CNTN5: variants seen among roughly 807,000 people sequenced by gnomAD.
CNTN5 encodes the protein contactin 5.
CNTN5 carries 77 observed loss-of-function variants against 129.1 expected under a neutral mutation model. The observed-to-expected ratio is 0.60, with a 90% CI of 0.50 to 0.72. The LOEUF is 0.72. CNTN5 is among the 30% of genes least tolerant of loss of function. The pLI is 0.00. For missense variants in CNTN5, 1,478 were observed against 1,328.8 expected, an observed-to-expected ratio of 1.11 and a Z score of -1.75; for synonymous variants, 509 against 465.6, an observed-to-expected ratio of 1.09 and a Z score of -1.20.
At chr11:99,970,473 C>G (rs569684511) in intron 8 of CNTN5, among the ~76,000 whole-genome samples, 1 of 152,120 alleles carries the variant, frequency 6.6e-6, no homozygotes, top group Non-Finnish European at 1.5e-5. Context: ...AGACAACCGA[C>G]TTTACCTGTT....
At chr11:99,969,363 C>T (rs1174746197) in intron 8 of CNTN5, among the ~76,000 whole-genome samples, 1 of 152,114 alleles carries the variant, frequency 6.6e-6, no homozygotes, top group African/African-American at 2.4e-5. Flanking sequence ...TAACTATGAA[C>T]ACATCTTTCT....
chr11:99,876,398 A>G (rs1043689660), intron 6 of CNTN5, among the ~76,000 whole-genome samples: 1 of 152,022 alleles, frequency 6.6e-6, no homozygotes, highest in African/African-American at 2.4e-5. Context: ...GGCTCCCCTC[A>G]TTGGTTAACT....
chr11:99,533,318 C>A (rs919839238), intron 2 of CNTN5, among the ~76,000 whole-genome samples: 1 of 152,222 alleles, frequency 6.6e-6, no homozygotes, highest in Non-Finnish European at 1.5e-5. Context: ...GTGCAATCTT[C>A]CCCTTCCCCA....
intron 3 of CNTN5, among the ~76,000 whole-genome samples, chr11:99,798,319 C>T (rs1433895183): frequency 6.6e-6 from 1 of 151,662 alleles, no homozygotes; most frequent in Non-Finnish European, 1.5e-5. Flanking sequence ...GGTAGAATTG[C>T]ATTTAAGGAC....
At chr11:99,685,516 A>G (rs1377365563) in intron 3 of CNTN5, among the ~76,000 whole-genome samples, 1 of 151,912 alleles carries the variant, frequency 6.6e-6, no homozygotes, top group Non-Finnish European at 1.5e-5. Context: ...TCAGCTTTAT[A>G]TATTCTGAGA....
intron 1 of CNTN5, among the ~76,000 whole-genome samples, chr11:99,323,346 G>A (rs1257955550): frequency 3.9e-5 from 6 of 152,026 alleles, no homozygotes; most frequent in Non-Finnish European, 7.4e-5. Flanking sequence ...TTATTCCAGA[G>A]ACAAAATGGA....
intron 13 of CNTN5, among the ~76,000 whole-genome samples, chr11:100,095,221 C>T (rs551863493): frequency 9.9e-5 from 15 of 152,028 alleles, no homozygotes; most frequent in Non-Finnish European, 2.1e-4. Flanking sequence ...TTCATTTACA[C>T]TGAGTTTCCA....
At chr11:99,640,653 C>T (rs908336628) in intron 3 of CNTN5, among the ~76,000 whole-genome samples, 3 of 152,104 alleles carry the variant, frequency 2.0e-5, no homozygotes, top group African/African-American at 7.2e-5. Flanking sequence ...GTTATAATTG[C>T]CTACAGTATT....
chr11:99,962,265 G>A (rs1029863382), intron 8 of CNTN5, among the ~76,000 whole-genome samples: 21 of 151,742 alleles, frequency 1.4e-4, no homozygotes, highest in Admixed American at 4.6e-4. Context: ...CCATTAACTC[G>A]TCGTTTAACA....
At chr11:99,332,786 A>T (rs1416741058) in intron 2 of CNTN5, among the ~76,000 whole-genome samples, 1 of 152,072 alleles carries the variant, frequency 6.6e-6, no homozygotes, top group Non-Finnish European at 1.5e-5. Flanking sequence ...TTAACTAATT[A>T]GTCTATTAGT....
chr11:99,636,307 A>G (rs945331271), intron 3 of CNTN5, among the ~76,000 whole-genome samples: 1 of 152,180 alleles, frequency 6.6e-6, no homozygotes, highest in African/African-American at 2.4e-5. Context: ...CTTCCCTAAT[A>G]TATGCCAAGA....
At chr11:99,132,613 G>C (rs1256432873) in intron 1 of CNTN5, among the ~76,000 whole-genome samples, 1 of 151,872 alleles carries the variant, frequency 6.6e-6, no homozygotes, top group African/African-American at 2.4e-5. Flanking sequence ...ACCAACAACA[G>C]GCAAGCAGAG....
At chr11:99,578,429 G>C (rs1253587812) in intron 3 of CNTN5, among the ~76,000 whole-genome samples, 1 of 146,770 alleles carries the variant, frequency 6.8e-6, no homozygotes, top group Non-Finnish European at 1.5e-5. Context: ...GGTTGAACTA[G>C]TTTACAGTCC....
At chr11:100,011,075 A>T (rs1278205951) in intron 9 of CNTN5, among the ~76,000 whole-genome samples, 1 of 152,106 alleles carries the variant, frequency 6.6e-6, no homozygotes, top group Non-Finnish European at 1.5e-5. Flanking sequence ...CAGGTATGAG[A>T]AATGTGATTG....
intron 18 of CNTN5, among the ~76,000 whole-genome samples, chr11:100,291,926 C>T (rs1950989688): frequency 6.6e-6 from 1 of 151,818 alleles, no homozygotes; most frequent in South Asian, 2.1e-4. Context: ...CTTCTCCCGC[C>T]ATTGCTCTCC....
intron 18 of CNTN5, among the ~76,000 whole-genome samples, chr11:100,288,301 A>G (rs1950851108): frequency 1.2e-5 from 1 of 85,468 alleles, no homozygotes; most frequent in African/African-American, 1.0e-4. Flanking sequence ...TCAACAGAAT[A>G]TACATTTTTT....
intron 2 of CNTN5, among the ~76,000 whole-genome samples, chr11:99,326,109 GTAA>G (rs1406113209): frequency 6.6e-6 from 1 of 152,140 alleles, no homozygotes; most frequent in East Asian, 1.9e-4. Flanking sequence ...TGGGCATTGT[GTAA>G]TAATAATCCT....
intron 6 of CNTN5, among the ~76,000 whole-genome samples, chr11:99,886,699 A>G (rs1173468599): frequency 6.6e-6 from 1 of 152,220 alleles, no homozygotes; most frequent in Non-Finnish European, 1.5e-5. Context: ...CATGGATTAA[A>G]AAAATACAGT....
At chr11:99,717,290 A>G (rs1298879175) in intron 3 of CNTN5, among the ~76,000 whole-genome samples, 1 of 152,064 alleles carries the variant, frequency 6.6e-6, no homozygotes, top group African/African-American at 2.4e-5. Flanking sequence ...CAAATTAAGG[A>G]AAGTCTTATA....
Sources: allele counts gnomAD v4.1 joint callset (sites outside exome capture counted in the v4.1 genomes callset), GRCh38; gene constraint gnomAD v4.1.1; transcripts MANE v1.5; gene names NCBI Gene and HGNC (gene_info 2026-07-23, HGNC 2026-07-21).